CDH13: variants seen among roughly 807,000 people sequenced by gnomAD.
CDH13 encodes cadherin 13.
In CDH13, 24 loss-of-function variants were observed where a neutral mutation model predicts 63.8. The ratio of observed to expected loss-of-function variants is 0.38; its 90% confidence interval spans 0.27 to 0.53. The LOEUF (loss-of-function observed/expected upper bound fraction) is 0.53, where lower values mean the gene tolerates loss of function less well. Ranked by LOEUF, CDH13 falls within the 20% of genes least tolerant of loss-of-function variation. The pLI is 0.85. For missense variants in CDH13, 1,049 were observed against 903.1 expected (o/e 1.16, Z -2.07); for synonymous variants, 503 against 355.3 (o/e 1.42, Z -4.67).
At chr16:82,981,617 T>G (rs550108762) in intron 2 of CDH13, among the ~76,000 whole-genome samples, 1 of 152,208 alleles carries the variant, frequency 6.6e-6, no homozygotes. Context: ...TCAGGTGTTC[T>G]CCTTCCTTCT....
rs1201441052 is a variant in CDH13 at position 83,798,860 on chromosome 16, C to A, written c.*3830C>A. 2 of 105,370 alleles carry A rather than the reference C, an allele frequency of 1.9e-5. No homozygotes were observed. Among genetic ancestry groups the A allele is most frequent in the Non-Finnish European group, 4.3e-5 (2 of 46,354 alleles). 6.5% of individuals were successfully genotyped at this position (105,370 alleles called of 1,614,324 possible). A position where few individuals can be genotyped will look rare whatever the true frequency, so the allele number is the denominator to read the frequency against. On this transcript the variant is annotated 3_prime_UTR_variant, in exon 14 of 14. Coordinates refer to ENST00000567109, the MANE Select transcript of CDH13 (RefSeq NM_001257.5). ...ATGCTATACTTCTTCAATCTGAAAG[C>A]TTTCTGTTAAAAAAAAAAATGTTAA...
At chr16:83,232,163 C>G (rs190322336) in intron 5 of CDH13, among the ~76,000 whole-genome samples, 1 of 147,220 alleles carries the variant, frequency 6.8e-6, no homozygotes, top group East Asian at 2.0e-4. Flanking sequence ...ACAAGTTTGC[C>G]TGTGTAACAA....
At chr16:82,940,596 C>T (rs1904276600) in intron 2 of CDH13, among the ~76,000 whole-genome samples, 1 of 152,164 alleles carries the variant, frequency 6.6e-6, no homozygotes, top group South Asian at 2.1e-4. Context: ...CCTGCTTCAC[C>T]TTAGCTGGTT....
chr16:83,135,041 G>T (rs1234904009), intron 4 of CDH13, among the ~76,000 whole-genome samples: 1 of 152,168 alleles, frequency 6.6e-6, no homozygotes, highest in Admixed American at 6.5e-5. Context: ...ATTTCAGCTT[G>T]AATTAGCATC....
intron 5 of CDH13, among the ~76,000 whole-genome samples, chr16:83,237,483 AATAG>A (rs771133113): frequency 2.0e-5 from 3 of 152,258 alleles, no homozygotes; most frequent in Non-Finnish European, 4.4e-5. Context: ...AAGGAAGCCA[AATAG>A]ATAGTAGTCC....
chr16:83,434,041 A>C (rs2072209454), intron 6 of CDH13, among the ~76,000 whole-genome samples: 1 of 152,134 alleles, frequency 6.6e-6, no homozygotes, highest in Admixed American at 6.5e-5. Flanking sequence ...ATAAGGTGAG[A>C]GGTTTCCCAG....
At chr16:82,746,202 T>A (rs2034159991) in intron 1 of CDH13, among the ~76,000 whole-genome samples, 2 of 91,862 alleles carry the variant, frequency 2.2e-5, no homozygotes, top group African/African-American at 6.2e-5. Context: ...TGTGTTTATA[T>A]ATAAACACAC....
intron 5 of CDH13, among the ~76,000 whole-genome samples, chr16:83,328,123 CAAA>C (rs56838139): frequency 1.3e-3 from 181 of 136,128 alleles, no homozygotes; most frequent in Non-Finnish European, 1.5e-3. Flanking sequence ...ACAGTATTGT[CAAA>C]AAAAAAAAAA....
chr16:83,359,893 T>C (rs144052652), intron 6 of CDH13, among the ~76,000 whole-genome samples: 1 of 152,358 alleles, frequency 6.6e-6, no homozygotes, highest in African/African-American at 2.4e-5. Flanking sequence ...ACAGTCAGTT[T>C]TGAACATTTC....
At chr16:82,864,206 G>A (rs538318056) in intron 2 of CDH13, among the ~76,000 whole-genome samples, 2 of 152,226 alleles carry the variant, frequency 1.3e-5, no homozygotes, top group East Asian at 3.9e-4. Flanking sequence ...ATATGTCGTT[G>A]TTTCTGAAGA....
chr16:83,208,925 G>T (rs1037153964), intron 4 of CDH13, among the ~76,000 whole-genome samples: 1 of 152,080 alleles, frequency 6.6e-6, no homozygotes, highest in Non-Finnish European at 1.5e-5. Flanking sequence ...CATTTAAAGG[G>T]ACCCCTGCAA....
At chr16:83,668,573 C>G (rs762763878) in intron 8 of CDH13, among the ~76,000 whole-genome samples, 9 of 152,228 alleles carry the variant, frequency 5.9e-5, no homozygotes, top group Middle Eastern at 3.2e-3. Flanking sequence ...CTGACATCCA[C>G]TTTGATAAGC....
intron 2 of CDH13, among the ~76,000 whole-genome samples, chr16:83,022,599 G>T (rs148781504): frequency 1.3e-5 from 2 of 152,194 alleles, no homozygotes; most frequent in Non-Finnish European, 1.5e-5. Context: ...CTGTGTGTGC[G>T]TATGAAGATC....
Position 83,105,505 on chromosome 16 carries a change from A to G in CDH13, c.367-19880A>G, listed in dbSNP as rs111721205. Among the ~76,000 whole-genome samples, 919 of 152,284 alleles carry G rather than the reference A, an allele frequency of 6.0e-3. 18 individuals carry two copies. The highest frequency in any genetic ancestry group is 0.021 in the African/African-American group (877 of 41,550). Reference sequence around the variant, plus strand: ...GTGTCCCTTCCAATCCGATGAGTAAATGCCTCAGGTGTTAGGTAAAACCCC... The same window carrying G: ...GTGTCCCTTCCAATCCGATGAGTAAGTGCCTCAGGTGTTAGGTAAAACCCC... On this transcript the variant is annotated intron_variant, in intron 3 of 13. Coordinates refer to ENST00000567109, the MANE Select transcript of CDH13 (RefSeq NM_001257.5).
chr16:83,195,923 A>T (rs1241526972), intron 4 of CDH13, among the ~76,000 whole-genome samples: 1 of 152,178 alleles, frequency 6.6e-6, no homozygotes, highest in Non-Finnish European at 1.5e-5. Context: ...GAAGGCAAGA[A>T]ATGAACCTCA....
intron 2 of CDH13, among the ~76,000 whole-genome samples, chr16:82,965,814 A>G (rs147036214): frequency 1.3e-5 from 2 of 152,266 alleles, no homozygotes; most frequent in Admixed American, 6.5e-5. Context: ...TTTTATTTTA[A>G]AAACCTGTTT....
At chr16:83,707,836 C>CAAAGAAAAAAAAAA (rs1907338469) in intron 10 of CDH13, among the ~76,000 whole-genome samples, 1 of 78,902 alleles carries the variant, frequency 1.3e-5, no homozygotes, top group Non-Finnish European at 2.3e-5. Context: ...ACCCTAAAGG[C>CAAAGAAAAAAAAAA]AAAAAAAAAA....
At chr16:82,867,320 C>A (rs1283535613) in intron 2 of CDH13, among the ~76,000 whole-genome samples, 1 of 152,108 alleles carries the variant, frequency 6.6e-6, no homozygotes, top group African/African-American at 2.4e-5. Context: ...AGGAAATTTG[C>A]CGGTGTGTTT....
intron 2 of CDH13, among the ~76,000 whole-genome samples, chr16:82,967,867 T>C (rs1908094338): frequency 6.6e-6 from 1 of 152,236 alleles, no homozygotes; most frequent in South Asian, 2.1e-4. Flanking sequence ...TCCTCCTTTG[T>C]AACTAACAAG....
Sources: gnomAD v4.1 joint callset for allele counts (sites outside exome capture counted in the v4.1 genomes callset) on GRCh38, gnomAD v4.1.1 for gene constraint, MANE v1.5 for transcripts, NCBI Gene and HGNC (gene_info 2026-07-23, HGNC 2026-07-21) for gene names.